IMMP2L: variants seen among roughly 807,000 people sequenced by gnomAD.
The protein encoded by IMMP2L is mitochondrial inner membrane protease subunit 2.
Under a neutral mutation model 19.3 loss-of-function variants are expected in IMMP2L, and 18 were observed. The observed-to-expected ratio is 0.93, with a 90% CI of 0.64 to 1.38. The LOEUF (loss-of-function observed/expected upper bound fraction) is 1.38, where lower values mean the gene tolerates loss of function less well. Among genes scored for constraint, IMMP2L ranks in the 40% most tolerant of loss-of-function variants. IMMP2L has a pLI of 0.00. For missense variants in IMMP2L, 233 were observed against 218.2 expected (o/e 1.07, Z -0.43); for synonymous variants, 76 against 73.0 (o/e 1.04, Z -0.21).
intron 3 of IMMP2L, among the ~76,000 whole-genome samples, chr7:111,377,304 A>G (rs1830763866): frequency 2.0e-5 from 3 of 151,870 alleles, no homozygotes; most frequent in Non-Finnish European, 4.4e-5. Context: ...AAGAAGGAAA[A>G]CATCCCTCTA....
At chr7:111,061,725 A>C (rs1027310654) in intron 3 of IMMP2L, among the ~76,000 whole-genome samples, 1 of 152,200 alleles carries the variant, frequency 6.6e-6, no homozygotes, top group African/African-American at 2.4e-5. Flanking sequence ...CCAGTTTCCA[A>C]AACACATCAA....
chr7:111,489,668 T>C (rs1842937622), intron 2 of IMMP2L, among the ~76,000 whole-genome samples: 1 of 152,204 alleles, frequency 6.6e-6, no homozygotes, highest in Non-Finnish European at 1.5e-5. Flanking sequence ...GAGGCTATTA[T>C]CTTGACACTA....
At chr7:111,239,074 A>G (rs1190590148) in intron 3 of IMMP2L, among the ~76,000 whole-genome samples, 1 of 151,964 alleles carries the variant, frequency 6.6e-6, no homozygotes, top group African/African-American at 2.4e-5. Context: ...CACTCTGAAT[A>G]GGACATTGTT....
chr7:111,366,879 A>C (rs1425028179), intron 3 of IMMP2L, among the ~76,000 whole-genome samples: 1 of 151,986 alleles, frequency 6.6e-6, no homozygotes, highest in African/African-American at 2.4e-5. Context: ...GAGAGAGATC[A>C]CATGATAAAA....
At chr7:110,886,536 T>C (rs1273089671) in intron 5 of IMMP2L, 57 bp downstream of exon 5, 2 of 940,806 alleles carry the variant, frequency 2.1e-6, no homozygotes, top group South Asian at 2.6e-5. Flanking sequence ...TCTGACATAG[T>C]TTTGTTCTCA....
At chr7:110,782,323 G>T (rs903143701) in intron 5 of IMMP2L, among the ~76,000 whole-genome samples, 1 of 151,840 alleles carries the variant, frequency 6.6e-6, no homozygotes, top group Admixed American at 6.6e-5. Context: ...ATAACAGTAG[G>T]GGAAAAAATA....
rs956011412 is a variant in IMMP2L, at chr7:111,424,810, G to A, written c.239+62428C>T. On this transcript the variant is annotated intron_variant, in intron 3 of 5. Transcript: ENST00000405709. ...ACATTTGAAACAATCACCATATTTTGACTTTGCAACTTTTGTAAAATATGT... is the reference window on the plus strand; with the variant it reads ...ACATTTGAAACAATCACCATATTTTAACTTTGCAACTTTTGTAAAATATGT... Among the ~76,000 whole-genome samples, 3 of 151,704 alleles carry A rather than the reference G, an allele frequency of 2.0e-5. 1 individual carries two copies. Among genetic ancestry groups the A allele is most frequent in the African/African-American group, 4.9e-5 (2 of 41,122 alleles).
chr7:110,903,643 AT>A (rs1055809220), intron 4 of IMMP2L, among the ~76,000 whole-genome samples: 23 of 152,156 alleles, frequency 1.5e-4, no homozygotes, highest in African/African-American at 5.1e-4. Context: ...CATTTTCTTT[AT>A]CCATTCACCT....
At chr7:110,867,528 A>G (rs1426336035) in intron 5 of IMMP2L, among the ~76,000 whole-genome samples, 1 of 152,072 alleles carries the variant, frequency 6.6e-6, no homozygotes, top group Non-Finnish European at 1.5e-5. Flanking sequence ...TATGAACAAT[A>G]AAATGTCTTT....
chr7:111,450,823 T>A (rs1424986085), intron 3 of IMMP2L, among the ~76,000 whole-genome samples: 1 of 149,920 alleles, frequency 6.7e-6, no homozygotes, highest in Non-Finnish European at 1.5e-5. Flanking sequence ...GACAAAGGGC[T>A]AATATCCAGA....
At chr7:111,325,897 A>T (rs1825270793) in intron 3 of IMMP2L, among the ~76,000 whole-genome samples, 1 of 151,706 alleles carries the variant, frequency 6.6e-6, no homozygotes. Flanking sequence ...CCCCTCATGA[A>T]ATTTTACTGT....
chr7:110,908,476 G>T (rs368986840), intron 4 of IMMP2L, among the ~76,000 whole-genome samples: 1 of 152,068 alleles, frequency 6.6e-6, no homozygotes, highest in East Asian at 1.9e-4. Context: ...AAGGCTTTGG[G>T]GATGTTTCAG....
At chr7:110,762,231 G>A (rs1216783525) in intron 5 of IMMP2L, among the ~76,000 whole-genome samples, 3 of 151,820 alleles carry the variant, frequency 2.0e-5, no homozygotes, top group African/African-American at 7.3e-5. Flanking sequence ...GAGACTTCTG[G>A]TAAATGTATC....
intron 5 of IMMP2L, among the ~76,000 whole-genome samples, chr7:110,787,633 A>T (rs1316528484): frequency 6.6e-6 from 1 of 151,966 alleles, no homozygotes; most frequent in African/African-American, 2.4e-5. Flanking sequence ...AAATTTGTAA[A>T]ATAATTTTGA....
chr7:111,537,362 G>C (rs191276148), intron 1 of IMMP2L, among the ~76,000 whole-genome samples: 2 of 151,918 alleles, frequency 1.3e-5, no homozygotes, highest in Non-Finnish European at 2.9e-5. Flanking sequence ...AGGTCAACAT[G>C]GTAGTGAGCC....
At chr7:110,716,203 T>G (rs1795224763) in intron 5 of IMMP2L, among the ~76,000 whole-genome samples, 10 of 151,684 alleles carry the variant, frequency 6.6e-5, no homozygotes, top group Admixed American at 6.6e-4. Flanking sequence ...AGAGGTGAGA[T>G]GGGTCTCTTG....
chr7:110,825,133 T>C (rs978876605), intron 5 of IMMP2L, among the ~76,000 whole-genome samples: 1 of 152,090 alleles, frequency 6.6e-6, no homozygotes. Context: ...TTACAAGGGA[T>C]GTGAAGGACC....
At chr7:110,835,870 C>T (rs1371915374) in intron 5 of IMMP2L, among the ~76,000 whole-genome samples, 1 of 151,998 alleles carries the variant, frequency 6.6e-6, no homozygotes, top group East Asian at 1.9e-4. Context: ...TTTTTGAGGG[C>T]AGAAAATTTT....
At chr7:111,235,298 C>T (rs1286910097) in intron 3 of IMMP2L, among the ~76,000 whole-genome samples, 1 of 151,890 alleles carries the variant, frequency 6.6e-6, no homozygotes, top group Non-Finnish European at 1.5e-5. Context: ...ATGGAGAAAC[C>T]CAGTCTCTAC....
Sources: gnomAD v4.1 joint callset for allele counts (sites outside exome capture counted in the v4.1 genomes callset) on GRCh38, gnomAD v4.1.1 for gene constraint, MANE v1.5 for transcripts, NCBI Gene and HGNC (gene_info 2026-07-23, HGNC 2026-07-21) for gene names.